The following ARAP3 variants were observed in gnomAD, a reference collection of about 807,000 sequenced individuals.
ARAP3 encodes the protein ArfGAP with RhoGAP domain, ankyrin repeat and PH domain 3, also known as arf-GAP with Rho-GAP domain, ANK repeat and PH domain-containing protein 3.
A neutral mutation model predicts 169.2 loss-of-function variants in ARAP3; 82 were observed. The ratio of observed to expected loss-of-function variants is 0.48; its 90% CI spans 0.41 to 0.58. ARAP3 has a LOEUF of 0.58. Ranked by LOEUF, ARAP3 falls within the 20% of genes least tolerant of loss-of-function variation. The pLI, the probability that ARAP3 is intolerant of heterozygous loss-of-function variation, is 0.00. For synonymous variants in ARAP3, 791 were observed against 800.3 expected (o/e 0.99, Z 0.20); for missense variants, 1,764 against 2,018.0 (o/e 0.87, Z 2.41).
chr5:141,658,380 C>T lies in ARAP3; in HGVS notation c.3511G>A (p.Glu1171Lys), dbSNP rs765220727. The change falls in exon 25 of 33, where the codon GAG becomes AAG. Residue 1171 changes from glutamate to lysine, a missense_variant. By Grantham distance (56) the Glu-to-Lys change is moderately conservative. This residue lies in a region of ARAP3 where 1,112 missense variants were observed against 1,285.7 expected (regional missense o/e 0.86). Coordinates refer to ENST00000239440, the MANE Select transcript of ARAP3 (RefSeq NM_022481.6). ...MDLWVTFEIR[E>K]HGELERPLHP... is the part of the protein sequence containing the mutation. ...TCATACTCACCCAGCTCCCCATGCT[C>T]GCGAATCTCAAAAGTCACCCACAAG... 21 of 1,613,228 alleles carry T rather than the reference C, an allele frequency of 1.3e-5. No homozygotes were observed. Among genetic ancestry groups the T allele is most frequent in the South Asian group, 2.2e-5 (2 of 91,048 alleles).
chr5:141,657,832 T>A (rs1370789625), intron 25 of ARAP3, among the ~76,000 whole-genome samples: 2 of 152,182 alleles, frequency 1.3e-5, no homozygotes, highest in African/African-American at 4.8e-5. Flanking sequence ...CTAGGCTTTT[T>A]TTTTGAGGAA....
At position 141,672,940 on chromosome 5, in the gene ARAP3, G is replaced by A. The variant is rs769409952; in HGVS notation, c.1094-15C>T. 2.5e-6 allele frequency: 4 copies of A among 1,612,068 alleles called. No individual in the cohort carries two copies. Among genetic ancestry groups the A allele is most frequent in the East Asian group, 2.2e-5 (1 of 44,834 alleles). ...GTCCCGCTGAGCTGGTGGGGATGGAGAAGCAGGTCAGTGGCTGTTGCTCAC... is the reference window on the plus strand; with the variant it reads ...GTCCCGCTGAGCTGGTGGGGATGGAAAAGCAGGTCAGTGGCTGTTGCTCAC... On this transcript the variant is annotated splice_polypyrimidine_tract_variant and intron_variant, in intron 7 of 32. Transcript: ENST00000239440. This position sits in a 1 kb window ranked among gnomAD's most constrained non-coding sequence, Gnocchi z 4.9.
Position 141,656,601 on chromosome 5 carries a change from C to A in ARAP3, c.3692G>T (p.Arg1231Leu). 1 of 1,613,136 alleles carries A rather than the reference C, an allele frequency of 6.2e-7. No homozygotes were observed. Among genetic ancestry groups the A allele is most frequent in the Non-Finnish European group, 8.5e-7 (1 of 1,179,634 alleles). ...CAAGCGAGGTGGCTCCTCACGACACCGCAACAGCCCCACCCGTGGGCTCTC... is the reference window on the plus strand; with the variant it reads ...CAAGCGAGGTGGCTCCTCACGACACAGCAACAGCCCCACCCGTGGGCTCTC... ...RRESPRVGLLRCREEPPRLLG... is the reference protein window; with the variant it reads ...RRESPRVGLLLCREEPPRLLG... The change falls in exon 27 of 33, where the codon CGG becomes CTG. Residue 1231 changes from arginine (R) to leucine (L), a missense_variant. Coordinates refer to ENST00000239440, the MANE Select transcript of ARAP3 (RefSeq NM_022481.6).
At chr5:141,678,922 T>C (rs1162982026) in intron 4 of ARAP3, among the ~76,000 whole-genome samples, 1 of 152,270 alleles carries the variant, frequency 6.6e-6, no homozygotes, top group African/African-American at 2.4e-5. Flanking sequence ...CTGTGTACGC[T>C]GATCTATCCC....
chr5:141,671,905 T>A lies in ARAP3; in HGVS notation c.1661A>T (p.Glu554Val). Residue 554 changes from glutamate to valine, a missense_variant, in exon 11 of 33, where the codon GAG becomes GTG. Transcript: ENST00000239440. The surrounding 1 kb of genome is among the most constrained non-coding windows in gnomAD (Gnocchi z 4.9). ...TCTTCGCCCGCTCACCTGTACTATCTCATTACTCCAGACACTCGTGTCCAG... is the reference window on the plus strand; with the variant it reads ...TCTTCGCCCGCTCACCTGTACTATCACATTACTCCAGACACTCGTGTCCAG... ...LKLDTSVWSN[E>V]IVQLFIVLGN... is the part of the protein sequence containing the mutation. The A allele has an allele frequency of 2.5e-6, 4 of 1,614,064 alleles. No individual in the cohort carries two copies. The highest frequency in any genetic ancestry group is 3.4e-6 in the Non-Finnish European group (4 of 1,179,988).
chr5:141,657,172 A>G (rs2099909370), intron 25 of ARAP3, among the ~76,000 whole-genome samples: 1 of 152,260 alleles, frequency 6.6e-6, no homozygotes, highest in African/African-American at 2.4e-5. Context: ...CAAAAGTGGC[A>G]CTTGAAGATG....
chr5:141,673,739 G>A lies in ARAP3; in HGVS notation c.768C>T (p.Ser256=). Residue 256 remains serine, a synonymous_variant, in exon 5 of 33, where the codon TCC becomes TCT. Transcript: ENST00000239440. ...TTTCCAGGGTGGGCGATAAGAGGGT[G>A]GAGTCTCCAGGTAGCTCAAGGCTGG... ...GYASLELPGD[S]TLLSPTLETE... is the part of the protein sequence containing the mutation. 1 of 1,614,196 alleles carries A rather than the reference G, an allele frequency of 6.2e-7. No individual in the cohort carries two copies. The highest frequency in any genetic ancestry group is 8.5e-7 in the Non-Finnish European group (1 of 1,180,044).
chr5:141,657,013 G>A (rs1562403675), intron 25 of ARAP3, among the ~76,000 whole-genome samples, 167 bp from the exon 26 acceptor site: 1 of 152,176 alleles, frequency 6.6e-6, no homozygotes, highest in African/African-American at 2.4e-5. Flanking sequence ...TGGTGAGCAT[G>A]ATACACATGG....
In ARAP3 at chr5:141,655,667, C is replaced by T. The variant is rs201780469; in HGVS notation, c.4064G>A (p.Arg1355His). The change falls in exon 31 of 33, where the codon CGT (arginine) becomes CAT (histidine). Residue 1355 changes from arginine to histidine, a missense_variant. This residue lies in a region of ARAP3 where 1,112 missense variants were observed against 1,285.7 expected (regional missense o/e 0.86). Transcript: ENST00000239440. ...GAGGGTGGCTCCACTGTCATCCCCA[C>T]GGATAGGCAGCAAAGGCATAGTGCC... ...KFGTMPLLPIRGDDSGATLLS... is the reference protein window; with the variant it reads ...KFGTMPLLPIHGDDSGATLLS... The T allele has an allele frequency of 6.0e-5, 97 of 1,614,132 alleles. No homozygotes were observed. The highest frequency in any genetic ancestry group is 6.7e-5 in the East Asian group (3 of 44,876).
Position 141,680,363 on chromosome 5 carries a change from C to T in ARAP3, c.124G>A (p.Glu42Lys), listed in dbSNP as rs772719876. The change falls in exon 2 of 33, where the codon GAG becomes AAG. Residue 42 changes from glutamate to lysine, a missense_variant. Transcript: ENST00000239440. ...CTGATGCCCAACTGCTTCAACTCCT[C>T]GTGGCCCAGGCCCCGGGCTGCACCT... ...TAGAARGLGHEELKQLGISAT... is the reference protein window; with the variant it reads ...TAGAARGLGHKELKQLGISAT... 66 of 1,614,218 alleles carry T rather than the reference C, an allele frequency of 4.1e-5. No individual in the cohort carries two copies. The highest frequency in any genetic ancestry group is 5.2e-5 in the Non-Finnish European group (61 of 1,180,040).
chr5:141,659,607 G>T (rs1212037265), intron 22 of ARAP3, 131 bp from the exon 23 acceptor site: 5 of 1,318,184 alleles, frequency 3.8e-6, no homozygotes, highest in South Asian at 1.3e-5. Context: ...TGAGGATGTT[G>T]GAAGTGAAGT....
At chr5:141,681,600 G>A (rs13187460) in intron 1 of ARAP3, among the ~76,000 whole-genome samples, 1 of 151,780 alleles carries the variant, frequency 6.6e-6, no homozygotes, top group Non-Finnish European at 1.5e-5. Flanking sequence ...CCCTCTCCTT[G>A]TCCCACCCTG....
In ARAP3 at chr5:141,680,216, G is replaced by T; in HGVS notation, c.271C>A (p.Pro91Thr). The change falls in exon 2 of 33, where the codon CCC (proline) becomes ACC (threonine). Residue 91 changes from proline to threonine, a missense_variant. Coordinates refer to ENST00000239440, the MANE Select transcript of ARAP3 (RefSeq NM_022481.6). ...CTGGGCTTCGGCACGGGCTTAGGGGGCTGGGCTTGCGGGGCTGGGCTGGGG... is the reference window on the plus strand; with the variant it reads ...CTGGGCTTCGGCACGGGCTTAGGGGTCTGGGCTTGCGGGGCTGGGCTGGGG... Reference protein sequence around the residue: ...PSPSPAPQAQPPKPVPKPRTV... With the variant: ...PSPSPAPQAQTPKPVPKPRTV... The T allele has an allele frequency of 6.2e-6, 10 of 1,613,284 alleles. No individual in the cohort carries two copies. Among genetic ancestry groups the T allele is most frequent in the Non-Finnish European group, 8.5e-6 (10 of 1,179,566 alleles).
At position 141,656,797 on chromosome 5, in the gene ARAP3, C is replaced by T; in HGVS notation, c.3576G>A (p.Trp1192Ter). ...CTGAGCAGGGCTCTGGGAGCTGGCACCATTGTAAAGCCTGCTCTAAGACCT... is the reference window on the plus strand; with the variant it reads ...CTGAGCAGGGCTCTGGGAGCTGGCATCATTGTAAAGCCTGCTCTAAGACCT... Reference protein sequence around the residue: ...KEKVLEQALQWCQLPEPCSAS... With the variant: ...KEKVLEQALQ The change falls in exon 26 of 33, where the codon TGG becomes TGA. Residue 1192 changes from tryptophan (W) to a stop codon, truncating the protein, a stop_gained. Coordinates refer to ENST00000239440, the MANE Select transcript of ARAP3 (RefSeq NM_022481.6). LOFTEE classifies it high-confidence loss of function. 1 of 1,612,836 alleles carries T rather than the reference C, an allele frequency of 6.2e-7. No individual in the cohort carries two copies. Among genetic ancestry groups the T allele is most frequent in the Non-Finnish European group, 8.5e-7 (1 of 1,179,518 alleles).
intron 22 of ARAP3, 132 bp downstream of exon 22, chr5:141,659,644 GGGA>G: frequency 7.3e-7 from 1 of 1,375,462 alleles, no homozygotes; most frequent in South Asian, 1.3e-5. Context: ...CCAGGGCTCT[GGGA>G]GGTAGTTCCT....
At chr5:141,673,226 T>G in intron 6 of ARAP3, 93 bp from the exon 7 acceptor site, 1 of 1,593,678 alleles carries the variant, frequency 6.3e-7, no homozygotes, top group Non-Finnish European at 8.6e-7. Flanking sequence ...AAGATTGGCA[T>G]TAAATCCACA....
At position 141,658,469 on chromosome 5, in the gene ARAP3, G is replaced by A. The variant is rs2099909521; in HGVS notation, c.3422C>T (p.Thr1141Ile). 1 of 1,614,140 alleles carries A rather than the reference G, an allele frequency of 6.2e-7. No individual in the cohort carries two copies. The highest frequency in any genetic ancestry group is 8.5e-7 in the Non-Finnish European group (1 of 1,180,028). Reference sequence around the variant, plus strand: ...GTTAGTCAGCTCCTCAGCAGTCAGGGTTGGGGACACCTGGGGTCAGGGCAA... The same window carrying A: ...GTTAGTCAGCTCCTCAGCAGTCAGGATTGGGGACACCTGGGGTCAGGGCAA... The part of the protein sequence containing the change: ...DNCVTLKVSP[T>I]LTAEELTNQV... The change falls in exon 25 of 33, where the codon ACC becomes ATC. Residue 1141 changes from threonine (T) to isoleucine (I), a missense_variant. Physicochemically the swap from Thr to Ile is moderately conservative, Grantham distance 89 (BLOSUM62 -1). Transcript: ENST00000239440.
chr5:141,665,462 C>T, intron 17 of ARAP3, 88 bp from the exon 18 acceptor site: 1 of 1,405,524 alleles, frequency 7.1e-7, no homozygotes, highest in South Asian at 1.2e-5. Context: ...GCATAGATGC[C>T]AGGCTAGGAG....
At chr5:141,659,298 T>G in intron 23 of ARAP3, 110 bp downstream of exon 23, 7 of 991,338 alleles carry the variant, frequency 7.1e-6, no homozygotes, top group Non-Finnish European at 1.1e-5. Flanking sequence ...AGCTGAGTGC[T>G]AGTGTCCAGA....
Sources: allele counts gnomAD v4.1 joint callset (sites outside exome capture counted in the v4.1 genomes callset), GRCh38; gene constraint gnomAD v4.1.1; regional missense constraint gnomAD v4.1.1; non-coding constraint Gnocchi (gnomAD v3.1); transcripts MANE v1.5; gene names NCBI Gene and HGNC (gene_info 2026-07-23, HGNC 2026-07-21).